SEMA3C: variants seen among roughly 807,000 people sequenced by gnomAD.
SEMA3C encodes the protein semaphorin 3C, also known as semaphorin-3C.
SEMA3C carries 47 observed loss-of-function variants against 89.4 expected under a neutral mutation model. The ratio of observed to expected loss-of-function variants is 0.53; its 90% CI spans 0.42 to 0.67. The LOEUF is 0.67. Ranked by LOEUF, SEMA3C falls within the 30% of genes least tolerant of loss-of-function variation. SEMA3C has a pLI of 0.00. For missense variants in SEMA3C, 839 were observed against 929.1 expected, an observed-to-expected ratio of 0.90 and a Z score of 1.26; for synonymous variants, 310 against 320.2, an observed-to-expected ratio of 0.97 and a Z score of 0.34.
Position 80,862,447 on chromosome 7 carries a change from C to A in SEMA3C, c.104-33702G>T, listed in dbSNP as rs13229958. ...CTGCTCAAAGAAATCACAGACAACA[C>A]CAACAAATGGAAACACATCCCATGC... On this transcript the variant is annotated intron_variant, in intron 2 of 17. Transcript: ENST00000265361. Among the ~76,000 whole-genome samples, 8 of 152,186 alleles carry A rather than the reference C, an allele frequency of 5.3e-5. No individual in the cohort carries two copies. In the East Asian group the frequency reaches 1.2e-3, roughly 22 times the overall value.
At chr7:80,881,702 G>T (rs1366128821) in intron 2 of SEMA3C, among the ~76,000 whole-genome samples, 1 of 152,176 alleles carries the variant, frequency 6.6e-6, no homozygotes, top group Non-Finnish European at 1.5e-5. Context: ...CAGCAGCAAT[G>T]AGTTGAAGTA....
At chr7:80,825,401 G>C (rs1789848702) in intron 4 of SEMA3C, among the ~76,000 whole-genome samples, 1 of 152,142 alleles carries the variant, frequency 6.6e-6, no homozygotes, top group African/African-American at 2.4e-5. Flanking sequence ...TTTCCCTTGT[G>C]TATAACTGGC....
At chr7:80,865,725 G>C (rs1021659586) in intron 2 of SEMA3C, among the ~76,000 whole-genome samples, 3 of 152,128 alleles carry the variant, frequency 2.0e-5, no homozygotes, top group African/African-American at 7.2e-5. Flanking sequence ...AACCCGGGAG[G>C]GGGGGTTACA....
chr7:80,843,740 GAATT>G (rs1174935449), intron 2 of SEMA3C, among the ~76,000 whole-genome samples: 2 of 151,956 alleles, frequency 1.3e-5, no homozygotes, highest in African/African-American at 2.4e-5. Context: ...AAAATCTATT[GAATT>G]AATATTAATT....
At chr7:80,807,433 G>C (rs1318269965) in intron 6 of SEMA3C, among the ~76,000 whole-genome samples, 1 of 152,076 alleles carries the variant, frequency 6.6e-6, no homozygotes, top group African/African-American at 2.4e-5. Flanking sequence ...TAAATTCGCA[G>C]TAATTTTAAC....
At chr7:80,800,012 G>A (rs1272289175) in intron 10 of SEMA3C, among the ~76,000 whole-genome samples, 1 of 151,558 alleles carries the variant, frequency 6.6e-6, no homozygotes, top group East Asian at 1.9e-4. Context: ...AATTAGCCAG[G>A]CGTGGTGGCG....
chr7:80,793,719 A>G (rs1788996772), intron 11 of SEMA3C, among the ~76,000 whole-genome samples: 1 of 151,910 alleles, frequency 6.6e-6, no homozygotes, highest in Admixed American at 6.6e-5. Flanking sequence ...GAGTATTTAG[A>G]GAACTGTAAT....
chr7:80,746,129 T>C (rs1362611822), intron 17 of SEMA3C, among the ~76,000 whole-genome samples: 1 of 152,132 alleles, frequency 6.6e-6, no homozygotes, highest in Non-Finnish European at 1.5e-5. Context: ...TCTAGAATAC[T>C]CTTTCATTGA....
intron 4 of SEMA3C, among the ~76,000 whole-genome samples, chr7:80,821,610 G>A (rs929985935): frequency 2.0e-5 from 3 of 152,102 alleles, no homozygotes; most frequent in Middle Eastern, 3.2e-3. Context: ...TAGTAGAGAC[G>A]GGGTTTCATC....
chr7:80,820,790 T>C lies in SEMA3C; in HGVS notation c.328-2372A>G, dbSNP rs543278225. Among the ~76,000 whole-genome samples, 68 of 152,166 alleles carry C rather than the reference T, an allele frequency of 4.5e-4. 3 individuals are homozygous for C. Among genetic ancestry groups the C allele is most frequent in the Admixed American group, 3.3e-4 (5 of 15,274 alleles). ...ATGAGATATGTGTGTTTATAATATGTCTATGTAAAGGGAATCTATGAGGAA... is the reference window on the plus strand; with the variant it reads ...ATGAGATATGTGTGTTTATAATATGCCTATGTAAAGGGAATCTATGAGGAA... On this transcript the variant is annotated intron_variant, in intron 4 of 17. Coordinates refer to ENST00000265361, the MANE Select transcript of SEMA3C (RefSeq NM_006379.5).
chr7:80,878,005 CATTTA>C (rs1200542713), intron 2 of SEMA3C, among the ~76,000 whole-genome samples: 1 of 152,134 alleles, frequency 6.6e-6, no homozygotes, highest in Admixed American at 6.5e-5. Context: ...TTATCTCCTT[CATTTA>C]AATTTAATTA....
intron 12 of SEMA3C, among the ~76,000 whole-genome samples, chr7:80,771,514 C>A (rs1046007879): frequency 6.6e-6 from 1 of 152,136 alleles, no homozygotes; most frequent in Non-Finnish European, 1.5e-5. Context: ...TATAAGGGAG[C>A]ACAGCAATTA....
At chr7:80,916,551 C>G (rs1437997334) in intron 2 of SEMA3C, 128 bp downstream of exon 2, 2 of 760,568 alleles carry the variant, frequency 2.6e-6, no homozygotes, top group Non-Finnish European at 3.9e-6. Flanking sequence ...TCCTCCAAAA[C>G]GCAGCCCAGT....
chr7:80,805,839 C>A lies in SEMA3C; in HGVS notation c.539-81G>T, dbSNP rs959529730. Reference sequence around the variant, plus strand: ...TAGGTGAGTTTATTTATTAGGAGATCACCACAGGTATTACAGTGTTATGAT... The same window carrying A: ...TAGGTGAGTTTATTTATTAGGAGATAACCACAGGTATTACAGTGTTATGAT... On this transcript the variant is annotated intron_variant, in intron 6 of 17. Coordinates refer to ENST00000265361, the MANE Select transcript of SEMA3C (RefSeq NM_006379.5). 4.2e-6 allele frequency: 4 copies of A among 947,526 alleles called. No homozygotes were observed. The African/African-American group carries it at 6.6e-5, about 16-fold the overall frequency. The allele number at this position is 947,526 out of a possible 1,614,324, so 58.7% of individuals were successfully genotyped here. A position where few individuals can be genotyped will look rare whatever the true frequency, so the allele number is the denominator to read the frequency against.
chr7:80,751,131 T>G (rs1787925586), intron 16 of SEMA3C, 138 bp downstream of exon 16: 1 of 669,770 alleles, frequency 1.5e-6, no homozygotes, highest in African/African-American at 1.8e-5. Context: ...AATTACCCTA[T>G]ATAAATACCC....
chr7:80,914,586 C>T (rs1312726663), intron 2 of SEMA3C, among the ~76,000 whole-genome samples: 1 of 152,108 alleles, frequency 6.6e-6, no homozygotes, highest in Non-Finnish European at 1.5e-5. Flanking sequence ...TGATACATCT[C>T]TTTTAAACAG....
chr7:80,779,587 T>C (rs76986855), intron 12 of SEMA3C, among the ~76,000 whole-genome samples: 2 of 152,162 alleles, frequency 1.3e-5, no homozygotes, highest in Non-Finnish European at 2.9e-5. Flanking sequence ...AAAAGTCTCA[T>C]TTTCTTTTCT....
chr7:80,753,260 G>T (rs577261552), intron 15 of SEMA3C, among the ~76,000 whole-genome samples: 21 of 152,218 alleles, frequency 1.4e-4, no homozygotes, highest in African/African-American at 4.1e-4. Flanking sequence ...AGAATAGCTC[G>T]CATATCAAGT....
intron 2 of SEMA3C, among the ~76,000 whole-genome samples, chr7:80,861,896 T>G (rs1009457311): frequency 3.3e-5 from 5 of 152,158 alleles, no homozygotes; most frequent in African/African-American, 1.2e-4. Flanking sequence ...CCAGCATCCC[T>G]TTATGATTAA....
Sources: allele counts gnomAD v4.1 joint callset (sites outside exome capture counted in the v4.1 genomes callset), GRCh38; gene constraint gnomAD v4.1.1; transcripts MANE v1.5; gene names NCBI Gene and HGNC (gene_info 2026-07-23, HGNC 2026-07-21).